The following FGD5 variants were observed in gnomAD, a reference collection of about 807,000 sequenced individuals.
The protein encoded by FGD5 is FYVE, RhoGEF and PH domain-containing protein 5.
FGD5 carries 28 observed loss-of-function variants against 133.4 expected under a neutral mutation model. The observed-to-expected ratio is 0.21, with a 90% CI of 0.16 to 0.29. The LOEUF (loss-of-function observed/expected upper bound fraction) is 0.29. FGD5 is among the 10% of genes least tolerant of loss of function. FGD5 has a pLI of 1.00. For missense variants in FGD5, 1,858 were observed against 1,895.2 expected, an observed-to-expected ratio of 0.98 and a Z score of 0.36; for synonymous variants, 810 against 776.5, an observed-to-expected ratio of 1.04 and a Z score of -0.72.
At chr3:14,845,558 A>G (rs890373036) in intron 1 of FGD5, among the ~76,000 whole-genome samples, 2 of 152,204 alleles carry the variant, frequency 1.3e-5, no homozygotes, top group Admixed American at 1.3e-4. Flanking sequence ...GTCTAGGAAC[A>G]GGTGATGCAG....
intron 1 of FGD5, among the ~76,000 whole-genome samples, chr3:14,850,503 A>G (rs536481348): frequency 1.1e-3 from 164 of 152,242 alleles, no homozygotes; most frequent in African/African-American, 3.8e-3. Context: ...ATGTGTGCAG[A>G]CAGAGAGACG....
At position 14,924,046 on chromosome 3, in the gene FGD5, C is replaced by G. The variant is rs768432640; in HGVS notation, c.3976C>G (p.Arg1326Gly). 1 of 1,614,000 alleles carries G rather than the reference C, an allele frequency of 6.2e-7. No individual in the cohort carries two copies. Among genetic ancestry groups the G allele is most frequent in the African/African-American group, 1.3e-5 (1 of 75,032 alleles). Reference sequence around the variant, plus strand: ...CATGAGCTTCCCGCTGTCTTCACCCCGCTTCTCGGGCAGTGCCTTTTCATC... The same window carrying G: ...CATGAGCTTCCCGCTGTCTTCACCCGGCTTCTCGGGCAGTGCCTTTTCATC... The part of the protein sequence containing the change: ...VSMSFPLSSP[R>G]FSGSAFSSVF... The change falls in exon 17 of 20, where the codon CGC (arginine) becomes GGC (glycine). Residue 1326 changes from arginine (R) to glycine (G), a missense_variant. Physicochemically the swap from Arg to Gly is moderately radical, Grantham distance 125 (BLOSUM62 -2). This residue lies in a region of FGD5 where 1,824 missense variants were observed against 1,848.9 expected (regional missense o/e 0.99). Transcript: ENST00000285046.
At chr3:14,836,820 A>C (rs1304792282) in intron 1 of FGD5, among the ~76,000 whole-genome samples, 1 of 152,242 alleles carries the variant, frequency 6.6e-6, no homozygotes, top group East Asian at 1.9e-4. Context: ...CTGGCAGCAC[A>C]GAAGGAGCAG....
At chr3:14,855,571 C>G (rs915442128) in intron 1 of FGD5, among the ~76,000 whole-genome samples, 1 of 151,948 alleles carries the variant, frequency 6.6e-6, no homozygotes, top group Non-Finnish European at 1.5e-5. Flanking sequence ...GAGATGATAT[C>G]TCATTGTGGT....
chr3:14,922,105 A>T lies in FGD5; in HGVS notation c.3669+88A>T. 1 of 1,332,196 alleles carries T rather than the reference A, an allele frequency of 7.5e-7. No individual in the cohort carries two copies. The highest frequency in any genetic ancestry group is 2.0e-5 in the Admixed American group (1 of 50,582). 82.5% of individuals were successfully genotyped at this position (1,332,196 alleles called of 1,614,324 possible). On this transcript the variant is annotated intron_variant, in intron 14 of 19. Transcript: ENST00000285046. The surrounding 1 kb of genome is among the most constrained non-coding windows in gnomAD (Gnocchi z 4.1). ...CATTGCTGTTGCCACTCACACCCAGATGGACGTGTAGCTCCTGTCTTGGGG... is the reference window on the plus strand; with the variant it reads ...CATTGCTGTTGCCACTCACACCCAGTTGGACGTGTAGCTCCTGTCTTGGGG...
rs751075952 is a variant in FGD5 at position 14,910,948 on chromosome 3, A to G, written c.3405+19A>G. On this transcript the variant is annotated intron_variant, in intron 11 of 19. Transcript: ENST00000285046. Reference sequence around the variant, plus strand: ...ATTTCTGGTAAGTGCCCGGTCCCCAAGCCCAGCTCAGGAACTGCCAAGTTC... The same window carrying G: ...ATTTCTGGTAAGTGCCCGGTCCCCAGGCCCAGCTCAGGAACTGCCAAGTTC... 1.9e-6 allele frequency: 3 copies of G among 1,605,956 alleles called. No individual in the cohort carries two copies. In the African/African-American group the frequency reaches 4.0e-5, roughly 21 times the overall value.
At chr3:14,829,468 T>C (rs2036666270) in intron 1 of FGD5, among the ~76,000 whole-genome samples, 2 of 152,152 alleles carry the variant, frequency 1.3e-5, no homozygotes, top group Admixed American at 6.5e-5. Flanking sequence ...AACCTGGGGC[T>C]GTGGCTGCAG....
chr3:14,853,660 T>C (rs1354791443), intron 1 of FGD5, among the ~76,000 whole-genome samples: 1 of 139,656 alleles, frequency 7.2e-6, no homozygotes, highest in Non-Finnish European at 1.6e-5. Flanking sequence ...TTTTTTTTTT[T>C]TTTTTTTACG....
chr3:14,830,831 G>A (rs554618791), intron 1 of FGD5, among the ~76,000 whole-genome samples: 1 of 152,324 alleles, frequency 6.6e-6, no homozygotes, highest in African/African-American at 2.4e-5. Flanking sequence ...TGTGTATCAG[G>A]TACCTATTCT....
At chr3:14,850,175 A>G (rs1298292537) in intron 1 of FGD5, among the ~76,000 whole-genome samples, 1 of 152,230 alleles carries the variant, frequency 6.6e-6, no homozygotes, top group African/African-American at 2.4e-5. Context: ...TGCAGGAGAA[A>G]GATGCGTCTG....
chr3:14,814,997 C>T (rs186438511), upstream of FGD5, among the ~76,000 whole-genome samples: 3 of 152,282 alleles, frequency 2.0e-5, no homozygotes, highest in Admixed American at 6.5e-5. Context: ...GTCCAAGCCT[C>T]CATCATCTCT....
rs189883144 is a variant in FGD5 at position 14,862,102 on chromosome 3, G to T, written c.2526-2026G>T. On this transcript the variant is annotated intron_variant, in intron 1 of 19. Transcript: ENST00000285046. The stretch of plus-strand genomic sequence containing the variant: ...GGAAGGTAAGCCTGACGCTCACATA[G>T]TGGCTGTGCTAGGAGACACTCGGGT... 5.8e-3 allele frequency among the ~76,000 whole-genome samples: 886 copies of T among 152,290 alleles called. 11 individuals are homozygous for T. Among genetic ancestry groups the T allele is most frequent in the South Asian group, 0.02 (97 of 4,822 alleles).
chr3:14,922,893 G>A lies in FGD5; in HGVS notation c.3808-153G>A, dbSNP rs889262740. ...CTCAGAAACAAGATGAAGCCTTGCC[G>A]GAAAAGTAGGGGACACGCACAGCTC... On this transcript the variant is annotated intron_variant, in intron 15 of 19. Coordinates refer to ENST00000285046, the MANE Select transcript of FGD5 (RefSeq NM_152536.4). The surrounding 1 kb of genome is among the most constrained non-coding windows in gnomAD (Gnocchi z 4.1). Among the ~76,000 whole-genome samples, 1 of 152,076 alleles carries A rather than the reference G, an allele frequency of 6.6e-6. No homozygotes were observed. Among genetic ancestry groups the A allele is most frequent in the African/African-American group, 2.4e-5 (1 of 41,406 alleles).
chr3:14,924,091 C>T lies in FGD5; in HGVS notation c.4021C>T (p.Pro1341Ser). 1 of 1,614,006 alleles carries T rather than the reference C, an allele frequency of 6.2e-7. No homozygotes were observed. Among genetic ancestry groups the T allele is most frequent in the Admixed American group, 1.7e-5 (1 of 60,028 alleles). Reference protein sequence around the residue: ...AFSSVFQSINPSTFKKQKKVP... With the variant: ...AFSSVFQSINSSTFKKQKKVP... Reference sequence around the variant, plus strand: ...TTCATCCGTCTTCCAGAGCATTAACCCCTCGACCTTCAAGAAGCAGAAGAA... The same window carrying T: ...TTCATCCGTCTTCCAGAGCATTAACTCCTCGACCTTCAAGAAGCAGAAGAA... Residue 1341 changes from proline (P) to serine (S), a missense_variant, in exon 17 of 20, where the codon CCC becomes TCC. By Grantham distance (74) the Pro-to-Ser change is moderately conservative. Coordinates refer to ENST00000285046, the MANE Select transcript of FGD5 (RefSeq NM_152536.4).
chr3:14,815,777 ACT>A (rs993605658), upstream of FGD5, among the ~76,000 whole-genome samples: 73 of 152,220 alleles, frequency 4.8e-4, 1 homozygote, highest in African/African-American at 1.6e-3. Flanking sequence ...TAGAGGAAAC[ACT>A]CTGTGGCAAA....
Position 14,821,460 on chromosome 3 carries a change from G to T in FGD5, c.2389G>T (p.Ala797Ser), listed in dbSNP as rs2036501930. Residue 797 changes from alanine to serine, a missense_variant, in exon 1 of 20, where the codon GCT becomes TCT. Transcript: ENST00000285046. Reference protein sequence around the residue: ...IQIPPRRPARAGAFTKLFEDQ... With the variant: ...IQIPPRRPARSGAFTKLFEDQ... ...GATTCCACCCCGGAGACCTGCCAGG[G>T]CTGGCGCGTTCACGAAGCTGTTTGA... The T allele has an allele frequency of 6.2e-7, 1 of 1,613,908 alleles. No individual in the cohort carries two copies. The highest frequency in any genetic ancestry group is 1.7e-5 in the Admixed American group (1 of 60,012).
chr3:14,912,965 G>T (rs996046879), intron 11 of FGD5, among the ~76,000 whole-genome samples: 6 of 152,130 alleles, frequency 3.9e-5, no homozygotes, highest in Admixed American at 6.5e-5. Flanking sequence ...GAACCCAGGA[G>T]GTGGGGGTTG....
intron 1 of FGD5, among the ~76,000 whole-genome samples, chr3:14,839,699 G>A (rs946167385): frequency 2.0e-5 from 3 of 152,274 alleles, no homozygotes; most frequent in East Asian, 3.9e-4. Flanking sequence ...TTGGGAGGCC[G>A]AGGCGGGTGG....
chr3:14,835,276 T>C (rs1359826844), intron 1 of FGD5, among the ~76,000 whole-genome samples: 1 of 152,170 alleles, frequency 6.6e-6, no homozygotes, highest in African/African-American at 2.4e-5. Context: ...GGCAGACAGA[T>C]CACCTGAGGT....
Sources: gnomAD v4.1 joint callset for allele counts (sites outside exome capture counted in the v4.1 genomes callset) on GRCh38, gnomAD v4.1.1 for gene constraint, gnomAD v4.1.1 regional missense constraint, Gnocchi (gnomAD v3.1) non-coding constraint, MANE v1.5 for transcripts, NCBI Gene and HGNC (gene_info 2026-07-23, HGNC 2026-07-21) for gene names.